The following COLEC10 variants were observed in gnomAD, a reference collection of about 807,000 sequenced individuals.
COLEC10 encodes the protein collectin subfamily member 10, also known as collectin-10.
In COLEC10, 22 loss-of-function variants were observed where a neutral mutation model predicts 28.4. The ratio of observed to expected loss-of-function variants is 0.78; its 90% CI spans 0.55 to 1.11. COLEC10 has a LOEUF of 1.11. COLEC10 is among the 50% of genes least tolerant of loss of function. COLEC10 has a pLI of 0.00. For missense variants in COLEC10, 361 were observed against 344.1 expected (o/e 1.05, Z -0.39); for synonymous variants, 125 against 116.1 (o/e 1.08, Z -0.49).
intron 1 of COLEC10, among the ~76,000 whole-genome samples, chr8:119,069,629 A>AAAAAAAAAAAAAAT: frequency 4.7e-5 from 2 of 42,876 alleles, no homozygotes; most frequent in Non-Finnish European, 8.8e-5. Context: ...AAAAAAAAAA[A>AAAAAAAAAAAAAAT]ATATATATAT....
At chr8:119,053,313 T>C (rs2130180727) in intron 2 of COLEC10, among the ~76,000 whole-genome samples, 1 of 152,134 alleles carries the variant, frequency 6.6e-6, no homozygotes, top group African/African-American at 2.4e-5. Flanking sequence ...GAAATAAGTC[T>C]TCAGGAATTC....
At chr8:118,954,482 A>G in the COLEC10 span, among the ~76,000 whole-genome samples, 14,380 of 152,286 alleles carry the variant, frequency 0.094, 837 homozygotes, top group African/African-American at 0.17. Context: ...CAGGGATTCC[A>G]GACTGAACCC....
At chr8:119,036,270 G>A (rs1374454616) in intron 2 of COLEC10, among the ~76,000 whole-genome samples, 2 of 152,094 alleles carry the variant, frequency 1.3e-5, no homozygotes, top group Non-Finnish European at 2.9e-5. Context: ...TACACAAACA[G>A]GTACAAAACG....
chr8:119,041,047 CCTGGACATAA>C (rs1222381558), intron 2 of COLEC10, among the ~76,000 whole-genome samples: 27 of 152,126 alleles, frequency 1.8e-4, no homozygotes, highest in African/African-American at 5.6e-4. Context: ...AGTTAGTGTG[CCTGGACATAA>C]CTTGGGTGAA....
At chr8:118,972,678 A>G in the COLEC10 span, among the ~76,000 whole-genome samples, 2 of 151,978 alleles carry the variant, frequency 1.3e-5, no homozygotes, top group Non-Finnish European at 2.9e-5. Context: ...CCCATAGGTC[A>G]TATTCAATAC....
intron 2 of COLEC10, among the ~76,000 whole-genome samples, chr8:119,013,436 T>C (rs6469801): frequency 0.65 from 98,115 of 150,000 alleles, 33,815 homozygotes; most frequent in African/African-American, 0.85. Context: ...GTGTATTCTG[T>C]TCTTTTTGGA....
the COLEC10 span, among the ~76,000 whole-genome samples, chr8:118,983,533 C>T: frequency 6.6e-6 from 1 of 152,172 alleles, no homozygotes; most frequent in Admixed American, 6.6e-5. Flanking sequence ...TCAGAAGACA[C>T]ATTGAAGTCC....
upstream of COLEC10, among the ~76,000 whole-genome samples, chr8:119,064,593 G>GGCTAT: frequency 6.6e-6 from 1 of 152,078 alleles, no homozygotes; most frequent in East Asian, 1.9e-4. Flanking sequence ...TCACATATCT[G>GGCTAT]GCTATGACAC....
In COLEC10 at chr8:119,107,604, C is replaced by T. The variant is rs1476306687; in HGVS notation, c.*1413C>T. Among the ~76,000 whole-genome samples the T allele has an allele frequency of 6.6e-6, 1 of 152,118 alleles. No individual in the cohort carries two copies. The highest frequency in any genetic ancestry group is 2.4e-5 in the African/African-American group (1 of 41,424). ...GTGACTAACTGGTTATGAGATAGGA[C>T]TTAATTAGGTTATTTCTGTGGGTTC... On this transcript the variant is annotated 3_prime_UTR_variant, in exon 6 of 6. Transcript: ENST00000332843.
At chr8:118,980,893 A>AG in the COLEC10 span, among the ~76,000 whole-genome samples, 3 of 151,684 alleles carry the variant, frequency 2.0e-5, no homozygotes, top group African/African-American at 7.3e-5. Context: ...TTTTGTTTGC[A>AG]GGGGGGTGGA....
chr8:118,987,424 C>T, the COLEC10 span, among the ~76,000 whole-genome samples: 30,990 of 151,956 alleles, frequency 0.2, 3,297 homozygotes, highest in Middle Eastern at 0.35. Flanking sequence ...ATTAGCCAGA[C>T]GTGGTGGTAC....
intron 2 of COLEC10, among the ~76,000 whole-genome samples, chr8:119,042,917 A>T (rs1419281225): frequency 6.6e-6 from 1 of 152,182 alleles, no homozygotes. Flanking sequence ...CAGGAATCAA[A>T]TGAAGAAGCA....
chr8:119,006,552 A>G (rs550716669), intron 1 of COLEC10, among the ~76,000 whole-genome samples: 2 of 152,212 alleles, frequency 1.3e-5, no homozygotes, highest in East Asian at 3.9e-4. Context: ...AAAGGGGCTG[A>G]CACATGGTAT....
At chr8:119,031,602 G>T (rs1397164299) in intron 2 of COLEC10, among the ~76,000 whole-genome samples, 1 of 152,184 alleles carries the variant, frequency 6.6e-6, no homozygotes, top group Non-Finnish European at 1.5e-5. Flanking sequence ...TGATTGGCAA[G>T]GAACATGCAG....
At chr8:118,964,017 G>A in the COLEC10 span, among the ~76,000 whole-genome samples, 75,436 of 151,922 alleles carry the variant, frequency 0.5, 19,188 homozygotes, top group Middle Eastern at 0.66. Flanking sequence ...GATGGAAAAA[G>A]TGAAAATGTT....
chr8:119,004,108 G>A (rs957961089), intron 1 of COLEC10, among the ~76,000 whole-genome samples: 2 of 152,006 alleles, frequency 1.3e-5, no homozygotes, highest in African/African-American at 4.8e-5. Context: ...CTCAACCAAT[G>A]CTTTTCATAG....
intron 2 of COLEC10, among the ~76,000 whole-genome samples, chr8:119,054,924 T>C (rs1007437182): frequency 3.3e-5 from 5 of 152,036 alleles, no homozygotes; most frequent in African/African-American, 1.2e-4. Flanking sequence ...TTCTTGATGA[T>C]TAAGTTTAGA....
chr8:119,105,758 T>C, intron 5 of COLEC10, 42 bp from the exon 6 acceptor site: 5 of 1,532,070 alleles, frequency 3.3e-6, no homozygotes, highest in Non-Finnish European at 4.4e-6. Flanking sequence ...GCCTTTTATC[T>C]TTTTGAGATA....
chr8:119,030,242 C>A (rs989739345), intron 2 of COLEC10, among the ~76,000 whole-genome samples: 8 of 152,110 alleles, frequency 5.3e-5, no homozygotes, highest in Admixed American at 1.3e-4. Context: ...TATGTTTTTA[C>A]TCCAATAAGA....
Sources: gnomAD v4.1 joint callset for allele counts (sites outside exome capture counted in the v4.1 genomes callset) on GRCh38, gnomAD v4.1.1 for gene constraint, MANE v1.5 for transcripts, NCBI Gene and HGNC (gene_info 2026-07-23, HGNC 2026-07-21) for gene names.